DUXA: variants seen among roughly 807,000 people sequenced by gnomAD.
The protein encoded by DUXA is double homeobox protein A.
A neutral mutation model predicts 27.5 loss-of-function variants in DUXA; 25 were observed. The ratio of observed to expected loss-of-function variants is 0.91; its 90% CI spans 0.66 to 1.27. The LOEUF (loss-of-function observed/expected upper bound fraction) is 1.27, where lower values mean the gene tolerates loss of function less well. Ranked by LOEUF, DUXA falls within the 50% of genes most tolerant of loss-of-function variation. DUXA has a pLI of 0.00. For missense variants in DUXA, 247 were observed against 242.9 expected, an observed-to-expected ratio of 1.02 and a Z score of -0.11; for synonymous variants, 90 against 80.5, an observed-to-expected ratio of 1.12 and a Z score of -0.63.
intron 2 of DUXA, among the ~76,000 whole-genome samples, chr19:57,159,661 C>A (rs1384294105): frequency 6.6e-6 from 1 of 151,930 alleles, no homozygotes; most frequent in African/African-American, 2.4e-5. Context: ...GATCCACCCA[C>A]CTCGGCTTCC....
chr19:57,164,819 G>A (rs961640802), intron 1 of DUXA, among the ~76,000 whole-genome samples: 11 of 152,060 alleles, frequency 7.2e-5, no homozygotes, highest in African/African-American at 2.7e-4. Flanking sequence ...TATTAAAAAG[G>A]TGTAATCAAG....
intron 1 of DUXA, among the ~76,000 whole-genome samples, chr19:57,164,783 C>T (rs1171664228): frequency 6.6e-6 from 1 of 152,062 alleles, no homozygotes; most frequent in Non-Finnish European, 1.5e-5. Flanking sequence ...GGGTTTGATG[C>T]ATATGTCCCT....
chr19:57,155,906 T>G (rs574268195), intron 4 of DUXA, among the ~76,000 whole-genome samples: 2 of 152,220 alleles, frequency 1.3e-5, no homozygotes, highest in East Asian at 3.9e-4. Context: ...CGACCTCAGG[T>G]GATCCACCCA....
chr19:57,158,546 C>T, intron 3 of DUXA, 73 bp from the exon 4 acceptor site: 1 of 1,557,882 alleles, frequency 6.4e-7, no homozygotes, highest in Non-Finnish European at 8.8e-7. Context: ...TATTCAAACA[C>T]AGAACCCAAA....
At chr19:57,165,317 A>AT (rs2087046048) in intron 1 of DUXA, among the ~76,000 whole-genome samples, 2 of 113,898 alleles carry the variant, frequency 1.8e-5, no homozygotes, top group African/African-American at 6.6e-5. Context: ...AGGAAAAAAA[A>AT]AAAAAAAATA....
In DUXA at chr19:57,160,763, T is replaced by C; in HGVS notation, c.60A>G (p.Thr20=). 6.2e-7 allele frequency: 1 copy of C among 1,614,222 alleles called. No homozygotes were observed. Among genetic ancestry groups the C allele is most frequent in the Non-Finnish European group, 8.5e-7 (1 of 1,180,038 alleles). ...TTTTCAACTGTTCTTCTGTGAATTT[T>C]GTGCGACAGCGCCTATGATTTGTTT... ...MVKTNHRRCR[T]KFTEEQLKIL... The change falls in exon 2 of 6, where the codon ACA becomes ACG. Residue 20 remains threonine (T), a synonymous_variant. Coordinates refer to ENST00000554048, the MANE Select transcript of DUXA (RefSeq NM_001012729.2).
chr19:57,158,266 G>A, intron 4 of DUXA, 62 bp downstream of exon 4: 1 of 1,582,640 alleles, frequency 6.3e-7, no homozygotes, highest in Non-Finnish European at 8.6e-7. Flanking sequence ...AGGCCCATGT[G>A]GCTTCCCTTC....
chr19:57,161,385 A>T (rs1245044286), intron 1 of DUXA, among the ~76,000 whole-genome samples: 1 of 142,258 alleles, frequency 7.0e-6, no homozygotes, highest in African/African-American at 2.7e-5. Flanking sequence ...GCACTTTGGG[A>T]GGCCGAGGCG....
intron 1 of DUXA, among the ~76,000 whole-genome samples, chr19:57,161,498 C>T (rs970807897): frequency 6.7e-6 from 1 of 149,678 alleles, no homozygotes; most frequent in Non-Finnish European, 1.5e-5. Flanking sequence ...TGGCGGGCAC[C>T]TGTAGTCCCA....
At chr19:57,163,181 G>A (rs745788436) in intron 1 of DUXA, among the ~76,000 whole-genome samples, 17 of 152,084 alleles carry the variant, frequency 1.1e-4, no homozygotes, top group African/African-American at 2.4e-4. Flanking sequence ...CTCTTCACAC[G>A]ATGATGGATG....
Position 57,154,256 on chromosome 19 carries a change from G to A in DUXA, c.*156C>T, listed in dbSNP as rs376563428. Reference sequence around the variant, plus strand: ...TCCTGCCTTGGCCTCCCAAAGTAGTGGGATTACAAGTGTGACCCACCACAT... The same window carrying A: ...TCCTGCCTTGGCCTCCCAAAGTAGTAGGATTACAAGTGTGACCCACCACAT... On this transcript the variant is annotated 3_prime_UTR_variant, in exon 6 of 6. Coordinates refer to ENST00000554048, the MANE Select transcript of DUXA (RefSeq NM_001012729.2). The A allele has an allele frequency of 8.0e-6, 5 of 625,640 alleles. No individual in the cohort carries two copies. Among genetic ancestry groups the A allele is most frequent in the African/African-American group, 5.6e-5 (3 of 53,526 alleles). 38.8% of individuals were successfully genotyped at this position (625,640 alleles called of 1,614,324 possible). A position where few individuals can be genotyped will look rare whatever the true frequency, so the allele number is the denominator to read the frequency against.
intron 5 of DUXA, among the ~76,000 whole-genome samples, chr19:57,154,925 C>A (rs2086984801): frequency 6.6e-6 from 1 of 152,252 alleles, no homozygotes; most frequent in Non-Finnish European, 1.5e-5. Context: ...CCCGCTGCCC[C>A]TGGCAGACCA....
At chr19:57,156,415 T>C (rs2086993364) in intron 4 of DUXA, among the ~76,000 whole-genome samples, 1 of 152,158 alleles carries the variant, frequency 6.6e-6, no homozygotes, top group Non-Finnish European at 1.5e-5. Context: ...AGCTACTATA[T>C]TTTTGAGACA....
At chr19:57,158,601 G>C in intron 3 of DUXA, 128 bp from the exon 4 acceptor site, 1 of 1,160,358 alleles carries the variant, frequency 8.6e-7, no homozygotes, top group South Asian at 1.6e-5. Flanking sequence ...CTCCTCCTGA[G>C]AGGATCTTGT....
intron 1 of DUXA, among the ~76,000 whole-genome samples, chr19:57,162,571 GTTT>G (rs908216780): frequency 2.0e-4 from 28 of 143,252 alleles, no homozygotes; most frequent in African/African-American, 8.3e-4. Context: ...CCATTGTTTT[GTTT>G]TTTGTTTTTT....
chr19:57,162,250 GT>G (rs1455104588), intron 1 of DUXA, among the ~76,000 whole-genome samples: 2 of 152,070 alleles, frequency 1.3e-5, no homozygotes, highest in African/African-American at 4.8e-5. Flanking sequence ...AACAGTAACA[GT>G]TTCCAAGGTA....
intron 3 of DUXA, among the ~76,000 whole-genome samples, chr19:57,158,709 C>A (rs770971175): frequency 6.6e-6 from 1 of 152,248 alleles, no homozygotes; most frequent in East Asian, 1.9e-4. Context: ...AGAGGCCGGG[C>A]GCGGTGGCTC....
intron 3 of DUXA, among the ~76,000 whole-genome samples, chr19:57,158,682 T>C (rs574453198): frequency 6.6e-6 from 1 of 151,920 alleles, no homozygotes; most frequent in South Asian, 2.1e-4. Context: ...TGGACTCCAG[T>C]AGAAAGAAAG....
At chr19:57,162,643 C>T (rs868568531) in intron 1 of DUXA, among the ~76,000 whole-genome samples, 48 of 152,264 alleles carry the variant, frequency 3.2e-4, no homozygotes, top group African/African-American at 7.2e-4. Context: ...GGTGCAGTCT[C>T]GGCTCACTGC....
Sources: allele counts gnomAD v4.1 joint callset (sites outside exome capture counted in the v4.1 genomes callset), GRCh38; gene constraint gnomAD v4.1.1; transcripts MANE v1.5; gene names NCBI Gene and HGNC (gene_info 2026-07-23, HGNC 2026-07-21).